PREX1: variants seen among roughly 807,000 people sequenced by gnomAD.
PREX1 encodes phosphatidylinositol 3,4,5-trisphosphate-dependent Rac exchanger 1 protein.
PREX1 carries 41 observed loss-of-function variants against 198.3 expected under a neutral mutation model. The ratio of observed to expected loss-of-function variants is 0.21; its 90% CI spans 0.16 to 0.27. The LOEUF is 0.27. Among genes scored for constraint, PREX1 ranks in the 10% least tolerant of loss-of-function variants. The pLI, the probability that PREX1 is intolerant of heterozygous loss-of-function variation, is 1.00. For missense variants in PREX1, 1,620 were observed against 2,200.7 expected (o/e 0.74, Z 5.28); for synonymous variants, 843 against 887.2 (o/e 0.95, Z 0.89).
rs139162045 is a variant in PREX1 at position 48,775,085 on chromosome 20, C to T, written c.220-27205G>A. On this transcript the variant is annotated intron_variant, in intron 1 of 39. Coordinates refer to ENST00000371941, the MANE Select transcript of PREX1 (RefSeq NM_020820.4). ...CACACGGTTTCCACCACCGCACACG[C>T]TGCTCCTGCATCCCTGACCACACCA... Among the ~76,000 whole-genome samples, 4 of 152,336 alleles carry T rather than the reference C, an allele frequency of 2.6e-5. No homozygotes were observed. In the East Asian group the frequency reaches 5.8e-4, roughly 22 times the overall value.
the PREX1 span, among the ~76,000 whole-genome samples, chr20:48,887,620 A>C: frequency 2.2e-3 from 340 of 151,768 alleles, 2 homozygotes; most frequent in African/African-American, 7.7e-3. Flanking sequence ...ACCCCAACTC[A>C]AAATAATAAA....
chr20:48,764,235 C>T (rs549839010), intron 1 of PREX1, among the ~76,000 whole-genome samples: 1 of 152,296 alleles, frequency 6.6e-6, no homozygotes, highest in East Asian at 1.9e-4. Flanking sequence ...GGAGGGAGAA[C>T]TTGCAGGACA....
chr20:48,749,908 C>T (rs557384444), intron 1 of PREX1, among the ~76,000 whole-genome samples: 13 of 152,046 alleles, frequency 8.6e-5, no homozygotes, highest in African/African-American at 3.1e-4. Context: ...GTTAAATCCC[C>T]TTTTTTTATG....
Position 48,626,317 on chromosome 20 carries a change from AGACAG to A in PREX1, c.4938-395_4938-391del, listed in dbSNP as rs1186264259. 1.4e-4 allele frequency among the ~76,000 whole-genome samples: 22 copies of A among 152,342 alleles called. No individual in the cohort carries two copies. In the East Asian group the frequency reaches 4.2e-3, roughly 29 times the overall value. On this transcript the variant is annotated intron_variant, in intron 39 of 39. Transcript: ENST00000371941. Reference sequence around the variant, plus strand: ...GAGATGGTTTTGGAGCCGGGGGACCAGACAGGAGGCTGCGTGGTGTCCAGGGCAAG... The same window carrying A: ...GAGATGGTTTTGGAGCCGGGGGACCAGAGGCTGCGTGGTGTCCAGGGCAAG...
intron 2 of PREX1, among the ~76,000 whole-genome samples, chr20:48,745,723 C>G (rs2090104603): frequency 6.6e-6 from 1 of 152,262 alleles, no homozygotes; most frequent in Non-Finnish European, 1.5e-5. Context: ...GTGTAAAACA[C>G]TAATACAATT....
At chr20:48,791,918 C>T (rs1163197893) in intron 1 of PREX1, among the ~76,000 whole-genome samples, 3 of 152,160 alleles carry the variant, frequency 2.0e-5, no homozygotes, top group Non-Finnish European at 2.9e-5. Flanking sequence ...CTGGCAATAC[C>T]GGGCTCGAGT....
intron 10 of PREX1, among the ~76,000 whole-genome samples, chr20:48,683,074 G>A (rs551057917): frequency 3.9e-5 from 6 of 152,304 alleles, no homozygotes; most frequent in Admixed American, 2.0e-4. Context: ...GTGGGGAAGG[G>A]ATTGTTCTGG....
At chr20:48,853,038 A>G in the PREX1 span, among the ~76,000 whole-genome samples, 1 of 152,240 alleles carries the variant, frequency 6.6e-6, no homozygotes, top group African/African-American at 2.4e-5. Context: ...AGACACTAGT[A>G]ACTGGAAAGG....
intron 19 of PREX1, 85 bp from the exon 20 acceptor site, chr20:48,653,582 C>A: frequency 6.6e-7 from 1 of 1,517,416 alleles, no homozygotes; most frequent in Non-Finnish European, 8.9e-7. Context: ...CCCACCACTG[C>A]AACCCCAGAC....
intron 2 of PREX1, among the ~76,000 whole-genome samples, chr20:48,746,435 G>C (rs1169526809): frequency 6.6e-6 from 1 of 152,150 alleles, no homozygotes; most frequent in Admixed American, 6.5e-5. Flanking sequence ...TCCTACAATG[G>C]AACACCACAC....
intron 6 of PREX1, among the ~76,000 whole-genome samples, chr20:48,702,734 T>C (rs2089881988): frequency 6.6e-6 from 1 of 152,226 alleles, no homozygotes; most frequent in South Asian, 2.1e-4. Flanking sequence ...TGTCCGCCTC[T>C]GCACTGCTAA....
chr20:48,877,699 A>T, the PREX1 span, among the ~76,000 whole-genome samples: 1 of 152,224 alleles, frequency 6.6e-6, no homozygotes, highest in African/African-American at 2.4e-5. Flanking sequence ...AACATTTTAC[A>T]TTTGAACAAT....
chr20:48,860,833 C>CA, the PREX1 span, among the ~76,000 whole-genome samples: 23,866 of 110,574 alleles, frequency 0.22, 2,096 homozygotes, highest in Non-Finnish European at 0.23. Context: ...GACTCTGCCT[C>CA]AAAAAAAAAA....
At chr20:48,779,278 T>TA (rs1247640400) in intron 1 of PREX1, among the ~76,000 whole-genome samples, 1 of 152,180 alleles carries the variant, frequency 6.6e-6, no homozygotes, top group Non-Finnish European at 1.5e-5. Context: ...GAATGTAAGT[T>TA]AAAATTACAA....
At chr20:48,797,326 G>A (rs1568867717) in intron 1 of PREX1, among the ~76,000 whole-genome samples, 3 of 151,636 alleles carry the variant, frequency 2.0e-5, no homozygotes, top group Non-Finnish European at 2.9e-5. Context: ...GCCAAATGAC[G>A]GCCCCCTGCT....
At chr20:48,726,446 A>G in intron 4 of PREX1, 55 bp from the exon 5 acceptor site, 3 of 1,296,358 alleles carry the variant, frequency 2.3e-6, no homozygotes, top group Non-Finnish European at 3.3e-6. Context: ...ACAGGGACAT[A>G]GCCACCCTCA....
chr20:48,846,607 G>A, the PREX1 span, among the ~76,000 whole-genome samples: 1 of 152,158 alleles, frequency 6.6e-6, no homozygotes, highest in South Asian at 2.1e-4. Context: ...AGCCGCTCCT[G>A]GCGGTCAAAG....
At chr20:48,656,660 C>T (rs2089546049) in intron 18 of PREX1, among the ~76,000 whole-genome samples, 1 of 152,194 alleles carries the variant, frequency 6.6e-6, no homozygotes, top group South Asian at 2.1e-4. Flanking sequence ...TGACAGCCAT[C>T]CCTCTGCACA....
At chr20:48,745,540 C>T (rs182765162) in intron 2 of PREX1, among the ~76,000 whole-genome samples, 19 of 152,304 alleles carry the variant, frequency 1.2e-4, no homozygotes, top group Admixed American at 2.6e-4. Context: ...CACAGTCAGA[C>T]ACAACTGCTG....
Sources: allele counts gnomAD v4.1 joint callset (sites outside exome capture counted in the v4.1 genomes callset), GRCh38; gene constraint gnomAD v4.1.1; transcripts MANE v1.5; gene names NCBI Gene and HGNC (gene_info 2026-07-23, HGNC 2026-07-21).